PEX7: variants seen among roughly 807,000 people sequenced by gnomAD.
PEX7 encodes the protein PTS2 receptor.
Under a neutral mutation model 47.5 loss-of-function variants are expected in PEX7, and 34 were observed. The ratio of observed to expected loss-of-function variants is 0.72; its 90% CI spans 0.54 to 0.95. The LOEUF (loss-of-function observed/expected upper bound fraction) is 0.95, where lower values mean the gene tolerates loss of function less well. PEX7 is among the 40% of genes least tolerant of loss of function. PEX7 has a pLI of 0.00. For synonymous variants in PEX7, 141 were observed against 148.8 expected, an observed-to-expected ratio of 0.95 and a Z score of 0.38; for missense variants, 394 against 400.3, an observed-to-expected ratio of 0.98 and a Z score of 0.13.
Position 136,913,831 on chromosome 6 carries a change from C to A in PEX7, c.*305C>A, listed in dbSNP as rs567568009. On this transcript the variant is annotated 3_prime_UTR_variant, in exon 10 of 10. Transcript: ENST00000318471. ...AAATATGGGAGATCAGTAGGTTATA[C>A]TTATATAGATAGTGATATATTTCAT... is the stretch of plus-strand genomic sequence containing the variant. 222 of 299,326 alleles carry A rather than the reference C, an allele frequency of 7.4e-4. 2 individuals carry two copies. Among genetic ancestry groups the A allele is most frequent in the African/African-American group, 3.2e-3 (144 of 45,698 alleles). The allele number at this position is 299,326 out of a possible 1,614,324, so 18.5% of individuals were successfully genotyped here.
intron 3 of PEX7, among the ~76,000 whole-genome samples, chr6:136,832,288 T>C (rs974046294): frequency 6.6e-6 from 1 of 152,250 alleles, no homozygotes; most frequent in Non-Finnish European, 1.5e-5. Context: ...CTTTTAGCCA[T>C]GGCTGGAGCT....
At chr6:136,893,810 C>T (rs1185509292) in intron 8 of PEX7, among the ~76,000 whole-genome samples, 1 of 152,144 alleles carries the variant, frequency 6.6e-6, no homozygotes, top group South Asian at 2.1e-4. Flanking sequence ...TTGTCCCTTT[C>T]TCATAGTAAG....
chr6:136,893,192 C>CTTTTTTTTTTTTTTTTTTTTTTTTTTTTT (rs755460730), intron 8 of PEX7, among the ~76,000 whole-genome samples: 1 of 150,458 alleles, frequency 6.6e-6, no homozygotes, highest in Non-Finnish European at 1.5e-5. Context: ...CCTTCAGTGG[C>CTTTTTTTTTTTTTTTTTTTTTTTTTTTTT]TTTTTTTTTC....
chr6:136,897,642 T>C (rs1433425958), intron 8 of PEX7, among the ~76,000 whole-genome samples: 1 of 152,198 alleles, frequency 6.6e-6, no homozygotes, highest in Non-Finnish European at 1.5e-5. Context: ...AGAACAGATT[T>C]TTTTCAAAGA....
chr6:136,833,829 A>G (rs1774337474), intron 3 of PEX7, among the ~76,000 whole-genome samples: 1 of 152,194 alleles, frequency 6.6e-6, no homozygotes, highest in African/African-American at 2.4e-5. Flanking sequence ...GCTTTGTTTT[A>G]TATTTTAAAG....
intron 3 of PEX7, among the ~76,000 whole-genome samples, chr6:136,843,439 T>C (rs1774538042): frequency 6.6e-6 from 1 of 152,202 alleles, no homozygotes; most frequent in Non-Finnish European, 1.5e-5. Context: ...AATAAAGTTT[T>C]TTTGGAATCA....
At chr6:136,872,646 A>C (rs1455868001) in intron 8 of PEX7, among the ~76,000 whole-genome samples, 1 of 152,114 alleles carries the variant, frequency 6.6e-6, no homozygotes, top group Non-Finnish European at 1.5e-5. Context: ...AAAACAATGA[A>C]CATGAGTGTA....
chr6:136,855,489 G>A (rs1320915526), intron 5 of PEX7, among the ~76,000 whole-genome samples: 2 of 151,944 alleles, frequency 1.3e-5, no homozygotes, highest in Non-Finnish European at 2.9e-5. Context: ...ACAGGCACGT[G>A]CCACTATGCC....
At chr6:136,892,957 T>A (rs11970483) in intron 8 of PEX7, among the ~76,000 whole-genome samples, 6,005 of 152,196 alleles carry the variant, frequency 0.039, 132 homozygotes, top group African/African-American at 0.064. Context: ...ACTCAAGCCC[T>A]CAAGTCCATT....
chr6:136,864,444 A>G (rs1315691166), intron 5 of PEX7, among the ~76,000 whole-genome samples: 1 of 152,172 alleles, frequency 6.6e-6, no homozygotes, highest in Non-Finnish European at 1.5e-5. Context: ...GAAACTGAAG[A>G]TCAGCGAAAT....
chr6:136,826,442 G>C lies in PEX7; in HGVS notation c.312G>C (p.Leu104=). 6.2e-7 allele frequency: 1 copy of C among 1,613,946 alleles called. No homozygotes were observed. Among genetic ancestry groups the C allele is most frequent in the Non-Finnish European group, 8.5e-7 (1 of 1,180,000 alleles). Residue 104 remains leucine, a synonymous_variant, in exon 3 of 10, where the codon CTG becomes CTC. Coordinates refer to ENST00000318471, the MANE Select transcript of PEX7 (RefSeq NM_000288.4). ...LWDTAKAAGP[L]QVYKEHAQEV... ...ACACTGCCAAAGCTGCAGGGCCACT[G>C]CAAGTCTATAAAGAACACGCTCAGG...
intron 5 of PEX7, among the ~76,000 whole-genome samples, chr6:136,865,639 G>A (rs1465426215): frequency 3.9e-5 from 6 of 152,174 alleles, no homozygotes; most frequent in Admixed American, 2.6e-4. Context: ...TTAGCTGGGC[G>A]TGGTAGCACA....
chr6:136,834,672 C>T (rs747128518), intron 3 of PEX7, among the ~76,000 whole-genome samples: 9 of 152,330 alleles, frequency 5.9e-5, no homozygotes, highest in Non-Finnish European at 1.0e-4. Context: ...GGATCATATC[C>T]TAATGGGCCT....
At chr6:136,896,595 C>T (rs1775655546) in intron 8 of PEX7, among the ~76,000 whole-genome samples, 1 of 152,152 alleles carries the variant, frequency 6.6e-6, no homozygotes. Context: ...GAAAGCTTAG[C>T]ATCTTGAGGT....
intron 3 of PEX7, among the ~76,000 whole-genome samples, chr6:136,831,316 G>T (rs1181941114): frequency 6.6e-6 from 1 of 152,132 alleles, no homozygotes; most frequent in Non-Finnish European, 1.5e-5. Context: ...CAGATCTTTT[G>T]AGAACTCCCT....
At chr6:136,872,325 G>C (rs1775198206) in intron 8 of PEX7, 72 bp downstream of exon 8, 2 of 1,097,624 alleles carry the variant, frequency 1.8e-6, no homozygotes, top group African/African-American at 1.6e-5. Context: ...TTTTATAAGA[G>C]ATAATATGAT....
At chr6:136,841,453 G>A (rs879912786) in intron 3 of PEX7, among the ~76,000 whole-genome samples, 6 of 152,180 alleles carry the variant, frequency 3.9e-5, no homozygotes, top group Admixed American at 2.6e-4. Context: ...TCTGGTTACT[G>A]TTTCACCTCT....
intron 1 of PEX7, 22 bp downstream of exon 1, chr6:136,822,817 G>A: frequency 3.2e-6 from 4 of 1,237,866 alleles, no homozygotes; most frequent in Non-Finnish European, 4.0e-6. Context: ...CCGCGCAGCT[G>A]GGGCCGGGGG....
chr6:136,900,228 A>T lies in PEX7; in HGVS notation c.903+1987A>T, dbSNP rs78658356. ...ATCAGAGGACATACATCCCTAAGTA[A>T]TAGATTTTATTCAAATTAAGATGGT... On this transcript the variant is annotated intron_variant, in intron 9 of 9. Coordinates refer to ENST00000318471, the MANE Select transcript of PEX7 (RefSeq NM_000288.4). This position sits in a 1 kb window ranked among gnomAD's most constrained non-coding sequence, Gnocchi z 4.2. 338 of 171,726 alleles carry T rather than the reference A, an allele frequency of 2.0e-3. 2 individuals carry two copies. Among genetic ancestry groups the T allele is most frequent in the African/African-American group, 7.8e-3 (327 of 41,848 alleles). The allele number at this position is 171,726 out of a possible 1,614,324, so 10.6% of individuals were successfully genotyped here. A position where few individuals can be genotyped will look rare whatever the true frequency, so the allele number is the denominator to read the frequency against.
Sources: gnomAD v4.1 joint callset for allele counts (sites outside exome capture counted in the v4.1 genomes callset) on GRCh38, gnomAD v4.1.1 for gene constraint, Gnocchi (gnomAD v3.1) non-coding constraint, MANE v1.5 for transcripts, NCBI Gene and HGNC (gene_info 2026-07-23, HGNC 2026-07-21) for gene names.